Variants in MRTFB observed in about 807,000 individuals in gnomAD.
MRTFB encodes the protein myocardin-related transcription factor B.
In MRTFB, 29 loss-of-function variants were observed where a neutral mutation model predicts 104.2. The ratio of observed to expected loss-of-function variants is 0.28; its 90% CI spans 0.21 to 0.38. The LOEUF is 0.38. MRTFB is among the 10% of genes least tolerant of loss of function. MRTFB has a pLI of 1.00. For synonymous variants in MRTFB, 535 were observed against 519.5 expected, an observed-to-expected ratio of 1.03 and a Z score of -0.41; for missense variants, 1,270 against 1,341.6, an observed-to-expected ratio of 0.95 and a Z score of 0.83.
chr16:14,019,949 A>G, the MRTFB span, among the ~76,000 whole-genome samples: 4 of 152,342 alleles, frequency 2.6e-5, no homozygotes, highest in South Asian at 8.3e-4. Context: ...GAACTATCCT[A>G]TTCTTGCAAA....
At chr16:14,240,572 A>G in intron 10 of MRTFB, 88 bp downstream of exon 10, 2 of 1,587,732 alleles carry the variant, frequency 1.3e-6, no homozygotes, top group African/African-American at 1.3e-5. Context: ...GAATGTTGTC[A>G]TTTATTTGTG....
chr16:14,081,738 C>T (rs769520991), intron 2 of MRTFB, among the ~76,000 whole-genome samples: 17 of 152,072 alleles, frequency 1.1e-4, no homozygotes, highest in Non-Finnish European at 2.2e-4. Context: ...TGCCACCACA[C>T]TCTGCCAAAT....
chr16:14,118,410 G>C (rs2036658105), intron 2 of MRTFB, among the ~76,000 whole-genome samples: 1 of 151,542 alleles, frequency 6.6e-6, no homozygotes, highest in African/African-American at 2.4e-5. Flanking sequence ...CCAAAGTGCT[G>C]GAATTACAGG....
chr16:14,039,499 C>T, the MRTFB span, among the ~76,000 whole-genome samples: 3 of 152,018 alleles, frequency 2.0e-5, no homozygotes, highest in African/African-American at 7.2e-5. Context: ...CCATCTCAGG[C>T]TGGTACACTA....
chr16:14,255,171 A>G (rs1378060482), intron 15 of MRTFB, among the ~76,000 whole-genome samples: 1 of 152,264 alleles, frequency 6.6e-6, no homozygotes, highest in Non-Finnish European at 1.5e-5. Flanking sequence ...AATTCAAACA[A>G]AACAGTCTAG....
At chr16:14,045,704 C>T in the MRTFB span, among the ~76,000 whole-genome samples, 1 of 152,232 alleles carries the variant, frequency 6.6e-6, no homozygotes, top group African/African-American at 2.4e-5. Context: ...GTCTGCTCCA[C>T]TGTAAAATGG....
chr16:14,140,623 C>T lies in MRTFB; in HGVS notation c.17C>T (p.Ala6Val), dbSNP rs766778650. The T allele has an allele frequency of 1.9e-5, 30 of 1,614,006 alleles. No individual in the cohort carries two copies. In the Admixed American group the frequency reaches 2.2e-4, roughly 12 times the overall value. MDHTGAIDTEDEVGPL... is the reference protein window; with the variant it reads MDHTGVIDTEDEVGPL... ...TGGAACACAATGGATCACACAGGGGCGATAGACACCGAGGATGAAGTGGGA... is the reference window on the plus strand; with the variant it reads ...TGGAACACAATGGATCACACAGGGGTGATAGACACCGAGGATGAAGTGGGA... The change falls in exon 3 of 17, where the codon GCG becomes GTG. Residue 6 changes from alanine to valine, a missense_variant. By Grantham distance (64) the Ala-to-Val change is moderately conservative. This residue lies in a region of MRTFB where 62 missense variants were observed against 57.2 expected (regional missense o/e 1.08). Coordinates refer to ENST00000571589, the MANE Select transcript of MRTFB (RefSeq NM_001308142.2).
intron 3 of MRTFB, chr16:14,151,439 G>A (rs1256301501): frequency 4.6e-5 from 7 of 152,072 alleles, no homozygotes; most frequent in Admixed American, 1.3e-4. Context: ...AATATATGTG[G>A]ACCCATGAAG....
At chr16:14,009,121 A>T in the MRTFB span, among the ~76,000 whole-genome samples, 4 of 151,818 alleles carry the variant, frequency 2.6e-5, no homozygotes, top group East Asian at 1.9e-4. Flanking sequence ...CTAATTTTTT[A>T]AAATTTTTGG....
Position 14,244,290 on chromosome 16 carries a change from C to T in MRTFB, c.1080-1238C>T, listed in dbSNP as rs1454896859. Among the ~76,000 whole-genome samples the T allele has an allele frequency of 5.9e-5, 9 of 152,262 alleles. No individual in the cohort carries two copies. The East Asian group carries it at 1.5e-3, about 26-fold the overall frequency. ...TAACATAATTTAGCCATCCAGCTTA[C>T]TCTTGATGCGTAGTTGGGTTGCTTC... On this transcript the variant is annotated intron_variant, in intron 10 of 16. Coordinates refer to ENST00000571589, the MANE Select transcript of MRTFB (RefSeq NM_001308142.2).
At chr16:14,211,396 G>T (rs530922007) in intron 4 of MRTFB, among the ~76,000 whole-genome samples, 1 of 152,100 alleles carries the variant, frequency 6.6e-6, no homozygotes, top group Non-Finnish European at 1.5e-5. Flanking sequence ...AACCTGATTG[G>T]ACTGGGCTCC....
intron 3 of MRTFB, chr16:14,143,883 AAGG>A (rs1353782971): frequency 6.6e-6 from 1 of 152,204 alleles, no homozygotes; most frequent in East Asian, 1.9e-4. Context: ...ACCTAGTGAA[AAGG>A]AGGTTACCCT....
the MRTFB span, among the ~76,000 whole-genome samples, chr16:14,056,947 A>C: frequency 6.6e-6 from 1 of 152,136 alleles, no homozygotes; most frequent in Admixed American, 6.6e-5. Flanking sequence ...CTGATGCTTA[A>C]ATCCTGGTAA....
chr16:14,015,951 G>A, the MRTFB span: 1 of 398,664 alleles, frequency 2.5e-6, no homozygotes, highest in Non-Finnish European at 4.4e-6. Context: ...GACTAGGCTG[G>A]CTGGTTCATC....
chr16:14,065,628 C>G, the MRTFB span, among the ~76,000 whole-genome samples: 1 of 151,986 alleles, frequency 6.6e-6, no homozygotes, highest in Non-Finnish European at 1.5e-5. Flanking sequence ...ACCTGTAGTC[C>G]GAGCTACTCA....
the MRTFB span, among the ~76,000 whole-genome samples, chr16:14,048,446 A>G: frequency 2.6e-5 from 4 of 152,314 alleles, no homozygotes; most frequent in African/African-American, 9.6e-5. Context: ...TCACAGTGCT[A>G]AGACCCTCAC....
chr16:14,119,303 C>CAGTTGGCTGCCTCTGATTTGAATAT (rs2036714411), intron 2 of MRTFB, among the ~76,000 whole-genome samples: 1 of 152,148 alleles, frequency 6.6e-6, no homozygotes, highest in African/African-American at 2.4e-5. Flanking sequence ...TATAGTTTGG[C>CAGTTGGCTGCCTCTGATTTGAATAT]AGTTGGCTGC....
chr16:14,003,752 AG>A, the MRTFB span, among the ~76,000 whole-genome samples: 1 of 150,878 alleles, frequency 6.6e-6, no homozygotes, highest in Non-Finnish European at 1.5e-5. Context: ...TGGAGACTAG[AG>A]GGGGGAAACT....
the MRTFB span, among the ~76,000 whole-genome samples, chr16:14,022,410 T>A: frequency 2.0e-5 from 3 of 152,106 alleles, no homozygotes; most frequent in Non-Finnish European, 4.4e-5. Flanking sequence ...AAGCATTTCT[T>A]TTTTTTTGAG....
Sources: allele counts gnomAD v4.1 joint callset (sites outside exome capture counted in the v4.1 genomes callset), GRCh38; gene constraint gnomAD v4.1.1; regional missense constraint gnomAD v4.1.1; transcripts MANE v1.5; gene names NCBI Gene and HGNC (gene_info 2026-07-23, HGNC 2026-07-21).